The following FAM229A variants were observed in gnomAD, a reference collection of about 807,000 sequenced individuals.
FAM229A encodes the protein family with sequence similarity 229 member A.
FAM229A carries 9 observed loss-of-function variants against 10.0 expected under a neutral mutation model. The observed-to-expected ratio is 0.90, with a 90% confidence interval of 0.54 to 1.56. The LOEUF (loss-of-function observed/expected upper bound fraction) is 1.56, where lower values mean the gene tolerates loss of function less well. Among genes scored for constraint, FAM229A ranks in the 40% most tolerant of loss-of-function variants. FAM229A has a pLI of 0.00. For synonymous variants in FAM229A, 93 were observed against 90.1 expected (o/e 1.03, Z -0.19); for missense variants, 196 against 197.6 (o/e 0.99, Z 0.05).
At chr1:32,361,912 C>G (rs989412205) in intron 1 of FAM229A, 36 bp from the exon 2 acceptor site, 20 of 1,379,316 alleles carry the variant, frequency 1.4e-5, no homozygotes, top group Non-Finnish European at 1.8e-5. Flanking sequence ...TCTCCCGGGT[C>G]GCCGGGCGCC....
In FAM229A at chr1:32,361,339, T is replaced by C; in HGVS notation, c.*94A>G. On this transcript the variant is annotated 3_prime_UTR_variant, in exon 3 of 3. Transcript: ENST00000432622. ...TCTTTTATTTTAAAATGTGCATCATTGTCTCGTGCTCGGCGCATGCGACCT... is the reference window on the plus strand; with the variant it reads ...TCTTTTATTTTAAAATGTGCATCATCGTCTCGTGCTCGGCGCATGCGACCT... 1.9e-6 allele frequency: 1 copy of C among 522,476 alleles called. No homozygotes were observed. The allele number at this position is 522,476 out of a possible 1,614,324, so 32.4% of individuals were successfully genotyped here.
In FAM229A at chr1:32,361,993, A is replaced by C. The variant is rs1174142970; in HGVS notation, c.99T>G (p.Ala33=). The change falls in exon 1 of 3, where the codon GCT becomes GCG. Residue 33 remains alanine, a synonymous_variant. Coordinates refer to ENST00000432622, the MANE Select transcript of FAM229A (RefSeq NM_001167676.2). Reference sequence around the variant, plus strand: ...TTGAGACCGGTCCCAGGCTAGAAGCAGCTGCCGGAGCCCTGGCCGCGGGAG... The same window carrying C: ...TTGAGACCGGTCCCAGGCTAGAAGCCGCTGCCGGAGCCCTGGCCGCGGGAG... ...ERSPAARAPA[A]ASSLGPVSTA... The C allele has an allele frequency of 1.3e-6, 2 of 1,485,330 alleles. No individual in the cohort carries two copies. Among genetic ancestry groups the C allele is most frequent in the South Asian group, 2.5e-5 (2 of 79,052 alleles). The allele number at this position is 1,485,330 out of a possible 1,614,324, so 92.0% of individuals were successfully genotyped here.
rs1641699564 is a variant in FAM229A at position 32,361,390 on chromosome 1, C to T, written c.*43G>A. The T allele has an allele frequency of 4.3e-6, 5 of 1,171,622 alleles. No homozygotes were observed. Among genetic ancestry groups the T allele is most frequent in the Non-Finnish European group, 4.4e-6 (4 of 918,616 alleles). 72.6% of individuals were successfully genotyped at this position (1,171,622 alleles called of 1,614,324 possible). ...CAGCGTGGTGGCCCGCTGGGGGCCT[C>T]GTTCCCGCCCAGCTCCCGCGGAGCC... On this transcript the variant is annotated 3_prime_UTR_variant, in exon 3 of 3. Transcript: ENST00000432622.
At position 32,362,097 on chromosome 1, in the gene FAM229A, C is replaced by A. The variant is rs1641713405; in HGVS notation, c.-6G>T. 1.4e-6 allele frequency: 2 copies of A among 1,381,976 alleles called. No homozygotes were observed. The highest frequency in any genetic ancestry group is 1.6e-5 in the South Asian group (1 of 63,378). 85.6% of individuals were successfully genotyped at this position (1,381,976 alleles called of 1,614,324 possible). On this transcript the variant is annotated 5_prime_UTR_variant, in exon 1 of 3. Coordinates refer to ENST00000432622, the MANE Select transcript of FAM229A (RefSeq NM_001167676.2). ...GGCGTCGAGGAGGGCAGCATTGTGACCCGGGCCGCGGCGCGCTGACCTCAC... is the reference window on the plus strand; with the variant it reads ...GGCGTCGAGGAGGGCAGCATTGTGAACCGGGCCGCGGCGCGCTGACCTCAC...
In FAM229A at chr1:32,361,471, G is replaced by A. The variant is rs1410182492; in HGVS notation, c.346C>T (p.Leu116Phe). The change falls in exon 3 of 3, where the codon CTC becomes TTC. Residue 116 changes from leucine to phenylalanine, a missense_variant. Coordinates refer to ENST00000432622, the MANE Select transcript of FAM229A (RefSeq NM_001167676.2). ...GCCCGGGGGCTCCCGCCCATGGCGA[G>A]GTAGACGTCGATGGGCACGTGCAGC... is the stretch of plus-strand genomic sequence containing the variant. ...TLLHVPIDVY[L>F]AMGGSPRARA... The A allele has an allele frequency of 3.6e-6, 5 of 1,381,884 alleles. No homozygotes were observed. The highest frequency in any genetic ancestry group is 4.7e-6 in the Non-Finnish European group (5 of 1,066,382). The allele number at this position is 1,381,884 out of a possible 1,614,324, so 85.6% of individuals were successfully genotyped here. A position where few individuals can be genotyped will look rare whatever the true frequency, so the allele number is the denominator to read the frequency against.
intron 2 of FAM229A, 91 bp downstream of exon 2, chr1:32,361,639 G>T: frequency 8.0e-7 from 1 of 1,251,624 alleles, no homozygotes; most frequent in Non-Finnish European, 1.0e-6. Context: ...GTCCGGACGT[G>T]GATGCGGGGT....
Position 32,362,433 on chromosome 1 carries a change from G to A in FAM229A, c.-342C>T. ...CTTAATCCGGGCTGAGTTTGGTGGT[G>A]GTAGTGAGGGCAGGTAGGGGCACTG... On this transcript the variant is annotated 5_prime_UTR_variant, in exon 1 of 3. Transcript: ENST00000432622. 1 of 499,796 alleles carries A rather than the reference G, an allele frequency of 2.0e-6. No individual in the cohort carries two copies. Among genetic ancestry groups the A allele is most frequent in the Non-Finnish European group, 3.5e-6 (1 of 286,342 alleles). 31.0% of individuals were successfully genotyped at this position (499,796 alleles called of 1,614,324 possible).
At chr1:32,361,907 C>G in intron 1 of FAM229A, 31 bp from the exon 2 acceptor site, 1 of 1,377,020 alleles carries the variant, frequency 7.3e-7, no homozygotes, top group East Asian at 3.1e-5. Context: ...AGGCCTCTCC[C>G]GGGTCGCCGG....
In FAM229A at chr1:32,361,878, TGCGC is replaced by T; in HGVS notation, c.135-6_135-3del. 1 of 1,340,406 alleles carries T rather than the reference TGCGC, an allele frequency of 7.5e-7. No homozygotes were observed. Among genetic ancestry groups the T allele is most frequent in the Non-Finnish European group, 9.5e-7 (1 of 1,049,800 alleles). The allele number at this position is 1,340,406 out of a possible 1,614,324, so 83.0% of individuals were successfully genotyped here. On this transcript the variant is annotated splice_region_variant and splice_polypyrimidine_tract_variant and intron_variant, in intron 1 of 2. Transcript: ENST00000432622. The stretch of plus-strand genomic sequence containing the variant: ...CTCATGTCCAAGCCCCGGGGCGCTC[TGCGC>T]GGGGAGTGGCGGTCAGGCCTCTCCC...
At position 32,362,326 on chromosome 1, in the gene FAM229A, C is replaced by T; in HGVS notation, c.-235G>A. ...GTCCACGCCGAGGAGCCGCGCATTCCCGGTCCACACAGACGCGGCGGAGCG... is the reference window on the plus strand; with the variant it reads ...GTCCACGCCGAGGAGCCGCGCATTCTCGGTCCACACAGACGCGGCGGAGCG... On this transcript the variant is annotated 5_prime_UTR_variant, in exon 1 of 3. Transcript: ENST00000432622. 5.9e-6 allele frequency: 3 copies of T among 505,408 alleles called. No homozygotes were observed. The highest frequency in any genetic ancestry group is 2.0e-5 in the African/African-American group (1 of 50,318). 31.3% of individuals were successfully genotyped at this position (505,408 alleles called of 1,614,324 possible).
At position 32,362,243 on chromosome 1, in the gene FAM229A, C is replaced by G. The variant is rs1641716341; in HGVS notation, c.-152G>C. The G allele has an allele frequency of 6.3e-6, 7 of 1,112,372 alleles. 1 individual carries two copies. In the East Asian group the frequency reaches 2.2e-4, roughly 36 times the overall value. The allele number at this position is 1,112,372 out of a possible 1,614,324, so 68.9% of individuals were successfully genotyped here. A position where few individuals can be genotyped will look rare whatever the true frequency, so the allele number is the denominator to read the frequency against. On this transcript the variant is annotated 5_prime_UTR_variant, in exon 1 of 3. Transcript: ENST00000432622. ...CATGGCGCCTGGAGACGGGGTCGCG[C>G]AGACCCCGGACACCCGAGGGGGGCG... is the stretch of plus-strand genomic sequence containing the variant.
chr1:32,362,035 C>T lies in FAM229A; in HGVS notation c.57G>A (p.Pro19=). The T allele has an allele frequency of 1.4e-6, 2 of 1,479,022 alleles. No homozygotes were observed. The highest frequency in any genetic ancestry group is 1.3e-5 in the South Asian group (1 of 78,198). The allele number at this position is 1,479,022 out of a possible 1,614,324, so 91.6% of individuals were successfully genotyped here. The part of the protein sequence containing the change: ...PGHATETCPA[P]PGPERSPAAR... ...CCGCGGGAGAACGCTCCGGTCCAGG[C>T]GGAGCCGGGCAGGTCTCTGTGGCGT... The change falls in exon 1 of 3, where the codon CCG becomes CCA. Residue 19 remains proline, a synonymous_variant. Coordinates refer to ENST00000432622, the MANE Select transcript of FAM229A (RefSeq NM_001167676.2).
In FAM229A at chr1:32,361,984, G is replaced by A. The variant is rs1250843046; in HGVS notation, c.108C>T (p.Ser36=). The A allele has an allele frequency of 6.7e-7, 1 of 1,485,436 alleles. No homozygotes were observed. The highest frequency in any genetic ancestry group is 8.9e-7 in the Non-Finnish European group (1 of 1,125,276). The allele number at this position is 1,485,436 out of a possible 1,614,324, so 92.0% of individuals were successfully genotyped here. ...TCCCGGCGGTTGAGACCGGTCCCAGGCTAGAAGCAGCTGCCGGAGCCCTGG... is the reference window on the plus strand; with the variant it reads ...TCCCGGCGGTTGAGACCGGTCCCAGACTAGAAGCAGCTGCCGGAGCCCTGG... ...PAARAPAAAS[S]LGPVSTAGRA... The change falls in exon 1 of 3, where the codon AGC becomes AGT. Residue 36 remains serine, a synonymous_variant. Coordinates refer to ENST00000432622, the MANE Select transcript of FAM229A (RefSeq NM_001167676.2).
At position 32,361,411 on chromosome 1, in the gene FAM229A, G is replaced by GA; in HGVS notation, c.*21dup. 1 of 1,270,724 alleles carries GA rather than the reference G, an allele frequency of 7.9e-7. No homozygotes were observed. Among genetic ancestry groups the GA allele is most frequent in the Non-Finnish European group, 1.0e-6 (1 of 1,002,608 alleles). The allele number at this position is 1,270,724 out of a possible 1,614,324, so 78.7% of individuals were successfully genotyped here. A position where few individuals can be genotyped will look rare whatever the true frequency, so the allele number is the denominator to read the frequency against. ...GCCTCGTTCCCGCCCAGCTCCCGCG[G>GA]AGCCGCAGGGAGCAGGCGCACTCAC... On this transcript the variant is annotated 3_prime_UTR_variant, in exon 3 of 3. Transcript: ENST00000432622.
At position 32,362,472 on chromosome 1, in the gene FAM229A, A is replaced by C; in HGVS notation, c.-381T>G. ...GTAGGGGCACTGCCCATTTTGGCCAAGGGTCACACAGCATCTACATCACAA... is the reference window on the plus strand; with the variant it reads ...GTAGGGGCACTGCCCATTTTGGCCACGGGTCACACAGCATCTACATCACAA... On this transcript the variant is annotated 5_prime_UTR_variant, in exon 1 of 3. Coordinates refer to ENST00000432622, the MANE Select transcript of FAM229A (RefSeq NM_001167676.2). The C allele has an allele frequency of 1.8e-6, 1 of 561,230 alleles. No individual in the cohort carries two copies. Among genetic ancestry groups the C allele is most frequent in the Non-Finnish European group, 3.1e-6 (1 of 323,626 alleles). 34.8% of individuals were successfully genotyped at this position (561,230 alleles called of 1,614,324 possible).
Position 32,362,093 on chromosome 1 carries a change from G to T in FAM229A, c.-2C>A. 7.2e-7 allele frequency: 1 copy of T among 1,391,614 alleles called. No homozygotes were observed. The highest frequency in any genetic ancestry group is 9.3e-7 in the Non-Finnish European group (1 of 1,075,388). The allele number at this position is 1,391,614 out of a possible 1,614,324, so 86.2% of individuals were successfully genotyped here. On this transcript the variant is annotated 5_prime_UTR_variant, in exon 1 of 3. Transcript: ENST00000432622. ...CCCGGGCGTCGAGGAGGGCAGCATT[G>T]TGACCCGGGCCGCGGCGCGCTGACC...
At position 32,361,885 on chromosome 1, in the gene FAM229A, G is replaced by T. The variant is rs1641708535; in HGVS notation, c.135-9C>A. On this transcript the variant is annotated splice_polypyrimidine_tract_variant and intron_variant, in intron 1 of 2. Coordinates refer to ENST00000432622, the MANE Select transcript of FAM229A (RefSeq NM_001167676.2). ...CCAAGCCCCGGGGCGCTCTGCGCGG[G>T]GAGTGGCGGTCAGGCCTCTCCCGGG... 4 of 1,347,236 alleles carry T rather than the reference G, an allele frequency of 3.0e-6. No individual in the cohort carries two copies. Among genetic ancestry groups the T allele is most frequent in the Non-Finnish European group, 3.8e-6 (4 of 1,054,388 alleles). The allele number at this position is 1,347,236 out of a possible 1,614,324, so 83.5% of individuals were successfully genotyped here.
chr1:32,362,064 C>T lies in FAM229A; in HGVS notation c.28G>A (p.Gly10Arg), dbSNP rs755085832. Residue 10 changes from glycine to arginine, a missense_variant, in exon 1 of 3, where the codon GGG becomes AGG. Transcript: ENST00000432622. MLPSSTPGP[G>R]HATETCPAPP... is the part of the protein sequence containing the mutation. ...GCCGGGCAGGTCTCTGTGGCGTGCC[C>T]GGGCCCGGGCGTCGAGGAGGGCAGC... The T allele has an allele frequency of 5.6e-6, 8 of 1,432,446 alleles. No individual in the cohort carries two copies. Among genetic ancestry groups the T allele is most frequent in the Non-Finnish European group, 7.3e-6 (8 of 1,098,482 alleles). The allele number at this position is 1,432,446 out of a possible 1,614,324, so 88.7% of individuals were successfully genotyped here.
chr1:32,362,255 A>G lies in FAM229A; in HGVS notation c.-164T>C. The stretch of plus-strand genomic sequence containing the variant: ...AGACGGGGTCGCGCAGACCCCGGAC[A>G]CCCGAGGGGGGCGCAGCAGGCCAGG... On this transcript the variant is annotated 5_prime_UTR_variant, in exon 1 of 3. Coordinates refer to ENST00000432622, the MANE Select transcript of FAM229A (RefSeq NM_001167676.2). 1 of 1,021,180 alleles carries G rather than the reference A, an allele frequency of 9.8e-7. No homozygotes were observed. The highest frequency in any genetic ancestry group is 3.6e-5 in the South Asian group (1 of 28,066). 63.3% of individuals were successfully genotyped at this position (1,021,180 alleles called of 1,614,324 possible).
Sources: gnomAD v4.1 joint callset for allele counts on GRCh38, gnomAD v4.1.1 for gene constraint, MANE v1.5 for transcripts, NCBI Gene and HGNC (gene_info 2026-07-23, HGNC 2026-07-21) for gene names.